NAP1L4: variants seen among roughly 807,000 people sequenced by gnomAD.
The protein encoded by NAP1L4 is nucleosome assembly protein 1-like 4.
Under a neutral mutation model 58.2 loss-of-function variants are expected in NAP1L4, and 15 were observed. That is an observed-to-expected ratio of 0.26 (90% CI 0.17 to 0.40). The LOEUF is 0.40. Ranked by LOEUF, NAP1L4 falls within the 10% of genes least tolerant of loss-of-function variation. NAP1L4 has a pLI of 1.00. For missense variants in NAP1L4, 384 were observed against 451.1 expected (o/e 0.85, Z 1.35); for synonymous variants, 171 against 155.6 (o/e 1.10, Z -0.74).
At chr11:2,970,995 G>A (rs917814181) in intron 6 of NAP1L4, among the ~76,000 whole-genome samples, 2 of 152,136 alleles carry the variant, frequency 1.3e-5, no homozygotes, top group African/African-American at 2.4e-5. Context: ...CTAGAAAAAG[G>A]CTGTGAGCAG....
At chr11:2,950,888 C>T (rs556333347) in intron 14 of NAP1L4, 28 of 188,198 alleles carry the variant, frequency 1.5e-4, no homozygotes, top group African/African-American at 5.6e-4. Flanking sequence ...CAAAAAGAGC[C>T]CCAAAGTCCC....
chr11:2,961,890 C>T (rs1172479424), intron 8 of NAP1L4, among the ~76,000 whole-genome samples: 3 of 151,892 alleles, frequency 2.0e-5, no homozygotes, highest in Non-Finnish European at 2.9e-5. Context: ...CTCCCCTCTG[C>T]CTTTGTTCAG....
At chr11:2,978,377 A>C (rs1342054123) in intron 2 of NAP1L4, 35 bp from the exon 3 acceptor site, 1 of 1,592,512 alleles carries the variant, frequency 6.3e-7, no homozygotes, top group African/African-American at 1.3e-5. Context: ...GTATTACTGT[A>C]AAGAAAGTTC....
At chr11:2,966,072 C>T (rs185943020) in intron 7 of NAP1L4, among the ~76,000 whole-genome samples, 2 of 152,298 alleles carry the variant, frequency 1.3e-5, no homozygotes, top group East Asian at 1.9e-4. Context: ...TGGCAGCAGG[C>T]ACTTCATTTG....
At chr11:2,991,942 G>A (rs748623651) in intron 1 of NAP1L4, 5 of 152,152 alleles carry the variant, frequency 3.3e-5, no homozygotes, top group Admixed American at 3.3e-4. Context: ...CCGCCCAGGA[G>A]GCCGCCCGCG....
intron 8 of NAP1L4, among the ~76,000 whole-genome samples, chr11:2,961,130 G>GA (rs1401999245): frequency 6.6e-6 from 1 of 151,754 alleles, no homozygotes; most frequent in Non-Finnish European, 1.5e-5. Flanking sequence ...ATCAACGGGG[G>GA]GGAAATTAAG....
rs1227283325 is a variant in NAP1L4, at chr11:2,949,177, A to C, written c.*32+50T>G. ...AAAGTCAAAACAATGCATTGTATAA[A>C]GTATAGATCAGAAGTTTGGAAGTTA... On this transcript the variant is annotated intron_variant, in intron 15 of 15. Coordinates refer to ENST00000380542, the MANE Select transcript of NAP1L4 (RefSeq NM_005969.4). This position sits in a 1 kb window ranked among gnomAD's most constrained non-coding sequence, Gnocchi z 4.0. 7.1e-7 allele frequency: 1 copy of C among 1,414,720 alleles called. No individual in the cohort carries two copies. Among genetic ancestry groups the C allele is most frequent in the East Asian group, 2.3e-5 (1 of 43,914 alleles). The allele number at this position is 1,414,720 out of a possible 1,614,324, so 87.6% of individuals were successfully genotyped here.
intron 7 of NAP1L4, among the ~76,000 whole-genome samples, chr11:2,968,821 G>A (rs1433278294): frequency 6.6e-6 from 1 of 152,178 alleles, no homozygotes; most frequent in Non-Finnish European, 1.5e-5. Flanking sequence ...GTCAGTCAGT[G>A]AGACTTAAGG....
Position 2,971,486 on chromosome 11 carries a change from C to T in NAP1L4, c.364G>A (p.Glu122Lys). The change falls in exon 6 of 16, where the codon GAA becomes AAA. Residue 122 changes from glutamate to lysine, a missense_variant. By Grantham distance (56) the Glu-to-Lys change is moderately conservative. Transcript: ENST00000380542. The surrounding 1 kb of genome is among the most constrained non-coding windows in gnomAD (Gnocchi z 4.2). Reference sequence around the variant, plus strand: ...TCCTCTTCATTTTCACTGTGCCATTCCGATTCCGCATCTGTTGGTTCAACA... The same window carrying T: ...TCCTCTTCATTTTCACTGTGCCATTTCGATTCCGCATCTGTTGGTTCAACA... Reference protein sequence around the residue: ...GDVEPTDAESEWHSENEEEEK... With the variant: ...GDVEPTDAESKWHSENEEEEK... 2.5e-6 allele frequency: 4 copies of T among 1,613,898 alleles called. No individual in the cohort carries two copies. In the South Asian group the frequency reaches 3.3e-5, roughly 13 times the overall value.
At chr11:2,977,946 T>C (rs1590260917) in intron 3 of NAP1L4, among the ~76,000 whole-genome samples, 1 of 150,666 alleles carries the variant, frequency 6.6e-6, no homozygotes. Flanking sequence ...GGCAGGAAAC[T>C]GCTTGAGCCC....
chr11:2,958,525 T>TA lies in NAP1L4; in HGVS notation c.765_766insT (p.Lys256Ter). ...GTTTTGACAGTAACATTCTTTCCTT[T>TA]CTTCCAGTCAATAGTACACCTACCA... On this transcript the variant is annotated frameshift_variant, in exon 10 of 16. Transcript: ENST00000380542. LOFTEE classifies it high-confidence loss of function. 6.2e-7 allele frequency: 1 copy of TA among 1,614,100 alleles called. No homozygotes were observed. Among genetic ancestry groups the TA allele is most frequent in the East Asian group, 2.2e-5 (1 of 44,886 alleles).
In NAP1L4 at chr11:2,981,013, G is replaced by A. The variant is rs546375246; in HGVS notation, c.-17-1776C>T. 6.6e-5 allele frequency among the ~76,000 whole-genome samples: 10 copies of A among 152,082 alleles called. No individual in the cohort carries two copies. In the South Asian group the frequency reaches 1.7e-3, roughly 25 times the overall value. On this transcript the variant is annotated intron_variant, in intron 1 of 15. Transcript: ENST00000380542. ...GGAGGCCAAAGTGGGCAGATTAGTT[G>A]AAGCTCAGGAGTTTCAGACCAGCCT...
chr11:2,970,873 A>T (rs1392406071), intron 6 of NAP1L4, among the ~76,000 whole-genome samples: 4 of 149,418 alleles, frequency 2.7e-5, no homozygotes, highest in Admixed American at 1.3e-4. Context: ...AAAAAACTGC[A>T]AAAAGTTAGT....
intron 1 of NAP1L4, among the ~76,000 whole-genome samples, chr11:2,986,478 T>C (rs903271857): frequency 1.3e-5 from 2 of 152,160 alleles, no homozygotes; most frequent in Non-Finnish European, 2.9e-5. Context: ...ATATTTACTC[T>C]GTCTTAATAA....
chr11:2,968,988 GTTTTTTTT>G (rs61176259), intron 7 of NAP1L4, among the ~76,000 whole-genome samples: 4 of 113,582 alleles, frequency 3.5e-5, no homozygotes, highest in Non-Finnish European at 5.6e-5. Flanking sequence ...TTGTTGTGTT[GTTTTTTTT>G]TTTTTTTTTT....
intron 12 of NAP1L4, among the ~76,000 whole-genome samples, chr11:2,953,064 C>T (rs1379427385): frequency 6.6e-6 from 1 of 152,192 alleles, no homozygotes; most frequent in Non-Finnish European, 1.5e-5. Context: ...GCTGAGGAAA[C>T]TGAAGCTCAA....
chr11:2,949,174 TA>T lies in NAP1L4; in HGVS notation c.*32+52del, dbSNP rs1846092484. The T allele has an allele frequency of 2.9e-6, 4 of 1,400,428 alleles. No individual in the cohort carries two copies. The Admixed American group carries it at 7.1e-5, about 25-fold the overall frequency. The allele number at this position is 1,400,428 out of a possible 1,614,324, so 86.8% of individuals were successfully genotyped here. On this transcript the variant is annotated intron_variant, in intron 15 of 15. Transcript: ENST00000380542. The surrounding 1 kb of genome is among the most constrained non-coding windows in gnomAD (Gnocchi z 4.0). ...TTCAAAGTCAAAACAATGCATTGTA[TA>T]AAGTATAGATCAGAAGTTTGGAAGT...
At chr11:2,981,422 A>C (rs1848302543) in intron 1 of NAP1L4, among the ~76,000 whole-genome samples, 7 of 111,126 alleles carry the variant, frequency 6.3e-5, no homozygotes, top group African/African-American at 2.2e-4. Context: ...CTGTCTCAAA[A>C]AAAAAAAAAA....
At chr11:2,965,764 T>A (rs1847239346) in intron 7 of NAP1L4, among the ~76,000 whole-genome samples, 1 of 152,148 alleles carries the variant, frequency 6.6e-6, no homozygotes, top group African/African-American at 2.4e-5. Context: ...TCTCCTGACC[T>A]TGTGATCCAC....
Sources: gnomAD v4.1 joint callset for allele counts (sites outside exome capture counted in the v4.1 genomes callset) on GRCh38, gnomAD v4.1.1 for gene constraint, Gnocchi (gnomAD v3.1) non-coding constraint, MANE v1.5 for transcripts, NCBI Gene and HGNC (gene_info 2026-07-23, HGNC 2026-07-21) for gene names.